The following PALD1 variants were observed in gnomAD, a reference collection of about 807,000 sequenced individuals.
PALD1 encodes paladin.
PALD1 carries 57 observed loss-of-function variants against 96.0 expected under a neutral mutation model. The ratio of observed to expected loss-of-function variants is 0.59; its 90% confidence interval spans 0.48 to 0.74. The LOEUF is 0.74. Ranked by LOEUF, PALD1 falls within the 30% of genes least tolerant of loss-of-function variation. The pLI is 0.00. For synonymous variants in PALD1, 464 were observed against 473.6 expected, an observed-to-expected ratio of 0.98 and a Z score of 0.26; for missense variants, 1,063 against 1,143.7, an observed-to-expected ratio of 0.93 and a Z score of 1.02.
chr10:70,476,248 C>T (rs190101251), upstream of PALD1, among the ~76,000 whole-genome samples: 3 of 152,346 alleles, frequency 2.0e-5, no homozygotes, highest in East Asian at 5.8e-4. Context: ...CAAATGGGCT[C>T]AACTGAGAGC....
intron 19 of PALD1, among the ~76,000 whole-genome samples, chr10:70,565,360 G>T (rs10999403): frequency 0.14 from 20,612 of 152,218 alleles, 1,548 homozygotes; most frequent in South Asian, 0.18. Context: ...GCACCTCTAG[G>T]TCAGAAGAGA....
chr10:70,552,712 G>T (rs556604589), intron 18 of PALD1, among the ~76,000 whole-genome samples: 1 of 152,130 alleles, frequency 6.6e-6, no homozygotes, highest in Non-Finnish European at 1.5e-5. Context: ...CAGTCACACC[G>T]CCATGATTGC....
upstream of PALD1, among the ~76,000 whole-genome samples, chr10:70,473,980 T>C (rs1845792858): frequency 6.6e-6 from 1 of 152,028 alleles, no homozygotes; most frequent in East Asian, 1.9e-4. Flanking sequence ...GAATGAAATA[T>C]TCGTGGAATG....
intron 18 of PALD1, among the ~76,000 whole-genome samples, chr10:70,556,326 C>T (rs1240542721): frequency 6.6e-6 from 1 of 151,696 alleles, no homozygotes; most frequent in Admixed American, 6.6e-5. Flanking sequence ...CTCTCTGTCT[C>T]TCTTTTTGAG....
chr10:70,498,956 C>T (rs1423150768), intron 1 of PALD1, among the ~76,000 whole-genome samples: 1 of 151,650 alleles, frequency 6.6e-6, no homozygotes, highest in Non-Finnish European at 1.5e-5. Context: ...TATCATACGT[C>T]TTTGGGATTG....
intron 1 of PALD1, among the ~76,000 whole-genome samples, chr10:70,479,381 C>T (rs1366029308): frequency 6.6e-6 from 1 of 152,168 alleles, no homozygotes; most frequent in African/African-American, 2.4e-5. Context: ...CTAGGGTTTC[C>T]CGCGAAGTTA....
chr10:70,530,337 A>G (rs1479137872), intron 4 of PALD1, among the ~76,000 whole-genome samples: 1 of 152,188 alleles, frequency 6.6e-6, no homozygotes, highest in Non-Finnish European at 1.5e-5. Flanking sequence ...CAGAGGAAGC[A>G]GGGGGCGTGA....
chr10:70,472,573 T>C, the PALD1 span, among the ~76,000 whole-genome samples: 5 of 152,168 alleles, frequency 3.3e-5, no homozygotes, highest in African/African-American at 4.8e-5. Context: ...ATCTGAGTTA[T>C]TTAAAGGAGG....
At chr10:70,557,418 G>A (rs377027757) in intron 18 of PALD1, among the ~76,000 whole-genome samples, 93 of 152,312 alleles carry the variant, frequency 6.1e-4, no homozygotes, top group African/African-American at 2.0e-3. Context: ...GCCTAGAGGT[G>A]CTGCTGAACA....
chr10:70,526,010 GC>G lies in PALD1; in HGVS notation c.61del (p.Leu21TyrfsTer40), dbSNP rs1172193346. The G allele has an allele frequency of 3.1e-6, 5 of 1,614,044 alleles. No homozygotes were observed. Among genetic ancestry groups the G allele is most frequent in the Non-Finnish European group, 4.2e-6 (5 of 1,180,032 alleles). On this transcript the variant is annotated frameshift_variant, in exon 2 of 20. Coordinates refer to ENST00000263563, the MANE Select transcript of PALD1 (RefSeq NM_014431.3). LOFTEE classifies it high-confidence loss of function. The stretch of plus-strand genomic sequence containing the variant: ...GTCTCGGCAGGCACCCCATTTGAGG[GC>G]CTACAGGGCAGTGGCACGATGGACA... ...QTVSAGTPFEGLQGSGTMDSR... is the reference protein window; with the variant it reads ...QTVSAGTPFEXLQGSGTMDSR...
In PALD1 at chr10:70,532,799, C is replaced by T. The variant is rs1236273900; in HGVS notation, c.794+18C>T. 3.7e-6 allele frequency: 6 copies of T among 1,612,188 alleles called. No homozygotes were observed. The highest frequency in any genetic ancestry group is 4.2e-6 in the Non-Finnish European group (5 of 1,178,694). ...ACCTACAGGTACCACAGGGCCACCCCCAGCCCTGGCCATGGGTGCTCCAGG... is the reference window on the plus strand; with the variant it reads ...ACCTACAGGTACCACAGGGCCACCCTCAGCCCTGGCCATGGGTGCTCCAGG... On this transcript the variant is annotated intron_variant, in intron 6 of 19. Transcript: ENST00000263563.
intron 1 of PALD1, among the ~76,000 whole-genome samples, chr10:70,510,646 C>T (rs1846494405): frequency 6.6e-6 from 1 of 152,172 alleles, no homozygotes; most frequent in East Asian, 1.9e-4. Context: ...AGGGCAGGGT[C>T]CCTCCCATCC....
chr10:70,478,561 A>G (rs913885965), upstream of PALD1, among the ~76,000 whole-genome samples: 1 of 152,084 alleles, frequency 6.6e-6, no homozygotes, highest in Non-Finnish European at 1.5e-5. Flanking sequence ...CCCCGCCCCA[A>G]ACTTTTCCTC....
chr10:70,530,907 C>CAGGACACCATGCT lies in PALD1; in HGVS notation c.469-365_469-353dup, dbSNP rs986811970. On this transcript the variant is annotated intron_variant, in intron 4 of 19. Transcript: ENST00000263563. ...ATGTTCATCAAACACCTGATTTATCCAGGACACCATGCTAGGACACCATGC... is the reference window on the plus strand; with the variant it reads ...ATGTTCATCAAACACCTGATTTATCCAGGACACCATGCTAGGACACCATGCTAGGACACCATGC... 3.9e-5 allele frequency among the ~76,000 whole-genome samples: 6 copies of CAGGACACCATGCT among 152,206 alleles called. No individual in the cohort carries two copies. In the East Asian group the frequency reaches 9.6e-4, roughly 24 times the overall value.
At chr10:70,511,178 A>G (rs1342362513) in intron 1 of PALD1, among the ~76,000 whole-genome samples, 1 of 152,268 alleles carries the variant, frequency 6.6e-6, no homozygotes, top group Non-Finnish European at 1.5e-5. Flanking sequence ...GAGTGCATTA[A>G]TCAGGATTAG....
At chr10:70,564,664 T>C in intron 19 of PALD1, 145 bp downstream of exon 19, 1 of 744,716 alleles carries the variant, frequency 1.3e-6, no homozygotes. Context: ...GCAGGAGGCT[T>C]CTGTTTGGCC....
At chr10:70,532,893 TC>T in intron 6 of PALD1, 101 bp from the exon 7 acceptor site, 1 of 1,506,664 alleles carries the variant, frequency 6.6e-7, no homozygotes, top group Non-Finnish European at 9.1e-7. Context: ...CACCCATGTC[TC>T]CCACAGTGGG....
At chr10:70,509,818 GCTT>G (rs1371720336) in intron 1 of PALD1, among the ~76,000 whole-genome samples, 1 of 152,206 alleles carries the variant, frequency 6.6e-6, no homozygotes, top group Non-Finnish European at 1.5e-5. Context: ...AAGCGCTGCA[GCTT>G]CTTCTGAGCG....
At chr10:70,532,396 C>T (rs1189003312) in intron 5 of PALD1, among the ~76,000 whole-genome samples, 1 of 152,244 alleles carries the variant, frequency 6.6e-6, no homozygotes, top group African/African-American at 2.4e-5. Flanking sequence ...TTCCTGCACC[C>T]ACTGGGCAGA....
Sources: allele counts gnomAD v4.1 joint callset (sites outside exome capture counted in the v4.1 genomes callset), GRCh38; gene constraint gnomAD v4.1.1; transcripts MANE v1.5; gene names NCBI Gene and HGNC (gene_info 2026-07-23, HGNC 2026-07-21).